The following MTUS2 variants were observed in gnomAD, a reference collection of about 807,000 sequenced individuals.
MTUS2 encodes microtubule-associated tumor suppressor candidate 2.
In MTUS2, 40 loss-of-function variants were observed where a neutral mutation model predicts 114.1. That is an observed-to-expected ratio of 0.35 (90% CI 0.27 to 0.46). The LOEUF is 0.46. Ranked by LOEUF, MTUS2 falls within the 20% of genes least tolerant of loss-of-function variation. MTUS2 has a pLI of 1.00. For synonymous variants in MTUS2, 688 were observed against 672.0 expected, an observed-to-expected ratio of 1.02 and a Z score of -0.37; for missense variants, 1,679 against 1,705.4, an observed-to-expected ratio of 0.98 and a Z score of 0.27.
At position 29,026,209 on chromosome 13, in the gene MTUS2, C is replaced by A. The variant is rs758637752; in HGVS notation, c.1511C>A (p.Thr504Lys). ...SEARESKEVT[T>K]SVAENRNLLE... ...GCACGGGAAAGCAAAGAGGTCACCA[C>A]ATCTGTTGCTGAAAACAGGAACCTT... The change falls in exon 3 of 16, where the codon ACA becomes AAA. Residue 504 changes from threonine to lysine, a missense_variant. Transcript: ENST00000612955. 4.3e-6 allele frequency: 7 copies of A among 1,614,018 alleles called. No homozygotes were observed. The highest frequency in any genetic ancestry group is 5.9e-6 in the Non-Finnish European group (7 of 1,179,892).
intron 5 of MTUS2, among the ~76,000 whole-genome samples, chr13:29,239,147 G>A (rs577634530): frequency 6.6e-5 from 10 of 152,258 alleles, no homozygotes; most frequent in Non-Finnish European, 1.0e-4. Context: ...GTGAGGTGGT[G>A]AATGTATTAA....
chr13:29,400,636 A>G (rs1450239543), intron 8 of MTUS2, among the ~76,000 whole-genome samples: 3 of 152,212 alleles, frequency 2.0e-5, no homozygotes, highest in Admixed American at 1.3e-4. Context: ...AGATGGCCCT[A>G]TGTCAACAAT....
intron 4 of MTUS2, among the ~76,000 whole-genome samples, chr13:29,041,569 C>A (rs1887361391): frequency 6.6e-6 from 1 of 152,168 alleles, no homozygotes; most frequent in Non-Finnish European, 1.5e-5. Context: ...TTCTACCCAT[C>A]CATGAGCATG....
In MTUS2 at chr13:29,209,455, T is replaced by G. The variant is rs142334906; in HGVS notation, c.2645-72249T>G. Among the ~76,000 whole-genome samples, 18 of 152,282 alleles carry G rather than the reference T, an allele frequency of 1.2e-4. No homozygotes were observed. In the East Asian group the frequency reaches 3.5e-3, roughly 29 times the overall value. ...AGTGTTGAGATGTGAGGTACTATTC[T>G]ATTCATCATGTTGGTTGTTGCCTGA... On this transcript the variant is annotated intron_variant, in intron 5 of 15. Transcript: ENST00000612955.
intron 5 of MTUS2, among the ~76,000 whole-genome samples, chr13:29,133,279 C>T (rs1891842836): frequency 6.6e-6 from 1 of 152,056 alleles, no homozygotes; most frequent in Non-Finnish European, 1.5e-5. Flanking sequence ...ATCAGATATG[C>T]AATTTGCAAA....
At chr13:28,963,339 A>C (rs1883421521) in intron 2 of MTUS2, among the ~76,000 whole-genome samples, 1 of 152,236 alleles carries the variant, frequency 6.6e-6, no homozygotes. Flanking sequence ...CGTCAGAGCG[A>C]GACTCCATCT....
intron 8 of MTUS2, among the ~76,000 whole-genome samples, chr13:29,369,025 G>A (rs1388616896): frequency 2.6e-5 from 4 of 152,164 alleles, no homozygotes; most frequent in Non-Finnish European, 5.9e-5. Context: ...GAAGCCAAAC[G>A]GAGGGGGCAT....
chr13:29,366,812 C>G (rs1302952956), intron 8 of MTUS2, among the ~76,000 whole-genome samples: 1 of 152,142 alleles, frequency 6.6e-6, no homozygotes, highest in Non-Finnish European at 1.5e-5. Context: ...GCTGAGCCCT[C>G]TCCTTGGTTC....
At chr13:29,265,981 C>T (rs572145306) in intron 5 of MTUS2, among the ~76,000 whole-genome samples, 23 of 152,272 alleles carry the variant, frequency 1.5e-4, no homozygotes, top group African/African-American at 5.5e-4. Context: ...GGAAAAAGCA[C>T]CGCCATTCTC....
intron 5 of MTUS2, among the ~76,000 whole-genome samples, chr13:29,256,014 T>C (rs1402096837): frequency 1.3e-5 from 2 of 152,224 alleles, no homozygotes; most frequent in Non-Finnish European, 2.9e-5. Context: ...AGTTCATCTA[T>C]GTAGGTGCTT....
chr13:28,827,949 CATCTT>C (rs1437261055), intron 1 of MTUS2, among the ~76,000 whole-genome samples: 3 of 152,140 alleles, frequency 2.0e-5, no homozygotes, highest in Non-Finnish European at 1.5e-5. Context: ...TCATTGATAA[CATCTT>C]ATCAGGAGAC....
chr13:29,157,895 T>G (rs978575835), intron 5 of MTUS2, among the ~76,000 whole-genome samples: 1 of 152,322 alleles, frequency 6.6e-6, no homozygotes, highest in Non-Finnish European at 1.5e-5. Context: ...ACACTGGGCA[T>G]AGTGTCAGTC....
At chr13:29,368,111 T>C (rs1401098924) in intron 8 of MTUS2, among the ~76,000 whole-genome samples, 1 of 151,868 alleles carries the variant, frequency 6.6e-6, no homozygotes, top group Non-Finnish European at 1.5e-5. Context: ...GCTAATTTTT[T>C]GTATTTTTAG....
rs71090249 is a variant in MTUS2, at chr13:29,376,039, A to ATGTG, written c.3117+16584_3117+16587dup. ...TATGTATGTGTGTGTATATATATATATGTGTGTGTGTGTGTGTGTGTATAT... is the reference window on the plus strand; with the variant it reads ...TATGTATGTGTGTGTATATATATATATGTGTGTGTGTGTGTGTGTGTGTGTATAT... On this transcript the variant is annotated intron_variant, in intron 8 of 15. Coordinates refer to ENST00000612955, the MANE Select transcript of MTUS2 (RefSeq NM_001033602.4). 2.3e-4 allele frequency among the ~76,000 whole-genome samples: 29 copies of ATGTG among 126,572 alleles called. No individual in the cohort carries two copies. In the East Asian group the frequency reaches 4.8e-3, roughly 21 times the overall value. The allele number at this position is 126,572 out of a possible 152,430, so 83.0% of individuals were successfully genotyped here.
At chr13:29,296,119 A>G (rs1323348693) in intron 6 of MTUS2, among the ~76,000 whole-genome samples, 1 of 152,134 alleles carries the variant, frequency 6.6e-6, no homozygotes, top group East Asian at 1.9e-4. Flanking sequence ...ATATCTCTTG[A>G]ACATACTGAT....
intron 8 of MTUS2, among the ~76,000 whole-genome samples, chr13:29,398,081 C>T (rs1479124224): frequency 6.6e-6 from 1 of 152,058 alleles, no homozygotes; most frequent in Admixed American, 6.5e-5. Context: ...TGTAAATACA[C>T]ATATCTGTTA....
chr13:29,395,144 G>A (rs1169102409), intron 8 of MTUS2, among the ~76,000 whole-genome samples: 1 of 152,166 alleles, frequency 6.6e-6, no homozygotes, highest in East Asian at 1.9e-4. Context: ...AGTCAGGTTG[G>A]AATTTGATGT....
At chr13:29,194,272 C>T (rs976118341) in intron 5 of MTUS2, among the ~76,000 whole-genome samples, 1 of 152,176 alleles carries the variant, frequency 6.6e-6, no homozygotes, top group Non-Finnish European at 1.5e-5. Context: ...AAAGCTTCTA[C>T]ACAGCAAAAG....
chr13:29,474,916 T>C (rs1293943622), intron 9 of MTUS2, among the ~76,000 whole-genome samples: 1 of 152,224 alleles, frequency 6.6e-6, no homozygotes, highest in Non-Finnish European at 1.5e-5. Flanking sequence ...AGCCAACTTA[T>C]TGCCTTGATC....
Sources: gnomAD v4.1 joint callset for allele counts (sites outside exome capture counted in the v4.1 genomes callset) on GRCh38, gnomAD v4.1.1 for gene constraint, MANE v1.5 for transcripts, NCBI Gene and HGNC (gene_info 2026-07-23, HGNC 2026-07-21) for gene names.